Variants in CACNA1C observed in about 807,000 individuals in gnomAD.
CACNA1C encodes voltage-dependent L-type calcium channel subunit alpha-1C.
In CACNA1C, 30 loss-of-function variants were observed where a neutral mutation model predicts 229.0. The ratio of observed to expected loss-of-function variants is 0.13; its 90% CI spans 0.10 to 0.18. CACNA1C has a LOEUF of 0.18. CACNA1C is among the 10% of genes least tolerant of loss of function. CACNA1C has a pLI of 1.00. For synonymous variants in CACNA1C, 1,114 were observed against 1,132.5 expected (o/e 0.98, Z 0.33); for missense variants, 1,658 against 2,845.0 (o/e 0.58, Z 9.49).
At chr12:2,412,232 T>C (rs2098816140) in intron 3 of CACNA1C, among the ~76,000 whole-genome samples, 1 of 152,174 alleles carries the variant, frequency 6.6e-6, no homozygotes, top group Admixed American at 6.5e-5. Flanking sequence ...CCCCCCACAA[T>C]CCCTGCTGGC....
chr12:2,334,856 A>C (rs1016607252), intron 3 of CACNA1C, among the ~76,000 whole-genome samples: 2 of 152,190 alleles, frequency 1.3e-5, no homozygotes, highest in African/African-American at 4.8e-5. Flanking sequence ...AATTAGATAG[A>C]AATGTCATGG....
intron 1 of CACNA1C, among the ~76,000 whole-genome samples, chr12:2,012,758 G>A (rs970241109): frequency 1.3e-5 from 2 of 152,214 alleles, no homozygotes; most frequent in Admixed American, 6.5e-5. Flanking sequence ...AGAATTTGGA[G>A]AAAAGGAAGG....
intron 15 of CACNA1C, 93 bp downstream of exon 15, chr12:2,583,035 C>T: frequency 1.1e-6 from 1 of 892,542 alleles, no homozygotes; most frequent in South Asian, 1.5e-5. Context: ...TCCGGGCGGT[C>T]CTGCTCGGGC....
intron 1 of CACNA1C, among the ~76,000 whole-genome samples, chr12:1,972,348 T>C (rs1052342938): frequency 6.6e-6 from 1 of 152,258 alleles, no homozygotes; most frequent in African/African-American, 2.4e-5. Context: ...TCAAATATAA[T>C]GTTTCTTGAT....
chr12:2,617,174 A>ACGAGGC (rs2081079333), intron 29 of CACNA1C, among the ~76,000 whole-genome samples: 1 of 152,198 alleles, frequency 6.6e-6, no homozygotes. Flanking sequence ...GAATCCATCA[A>ACGAGGC]CGAGGCCCTG....
Position 2,410,139 on chromosome 12 carries a change from G to T in CACNA1C, c.478-38837G>T, listed in dbSNP as rs1380350596. 6.6e-6 allele frequency among the ~76,000 whole-genome samples: 1 copy of T among 152,170 alleles called. No individual in the cohort carries two copies. Among genetic ancestry groups the T allele is most frequent in the Non-Finnish European group, 1.5e-5 (1 of 68,036 alleles). On this transcript the variant is annotated intron_variant, in intron 3 of 46. Transcript: ENST00000399655. This position sits in a 1 kb window ranked among gnomAD's most constrained non-coding sequence, Gnocchi z 5.3. ...TTTTAGCTGTCAGCCTTGGATGGTGGGCTCATGCATTCTGTTCCCACTCCA... is the reference window on the plus strand; with the variant it reads ...TTTTAGCTGTCAGCCTTGGATGGTGTGCTCATGCATTCTGTTCCCACTCCA...
At chr12:2,262,496 T>C (rs2080659119) in intron 3 of CACNA1C, among the ~76,000 whole-genome samples, 1 of 152,182 alleles carries the variant, frequency 6.6e-6, no homozygotes, top group Admixed American at 6.5e-5. Context: ...GCCAAGACGG[T>C]GTCTTCAGCA....
intron 1 of CACNA1C, among the ~76,000 whole-genome samples, chr12:2,021,440 G>A (rs545814165): frequency 1.3e-5 from 2 of 152,156 alleles, no homozygotes; most frequent in African/African-American, 2.4e-5. Flanking sequence ...GCACTTTGGG[G>A]GGCTGAGGTG....
chr12:2,455,637 G>C (rs559487247), intron 4 of CACNA1C, among the ~76,000 whole-genome samples: 2 of 152,220 alleles, frequency 1.3e-5, no homozygotes, highest in African/African-American at 4.8e-5. Context: ...ATGCTCTCTT[G>C]AACCTATGTC....
At chr12:2,109,028 G>A (rs990207612) in intron 1 of CACNA1C, among the ~76,000 whole-genome samples, 1 of 152,234 alleles carries the variant, frequency 6.6e-6, no homozygotes, top group Non-Finnish European at 1.5e-5. Context: ...ACTTTAGGGA[G>A]AAATTTATTT....
rs879173309 is a variant in CACNA1C, at chr12:2,354,401, A to G, written c.478-94575A>G. Among the ~76,000 whole-genome samples, 8 of 152,150 alleles carry G rather than the reference A, an allele frequency of 5.3e-5. 1 individual carries two copies. Among genetic ancestry groups the G allele is most frequent in the Admixed American group, 5.2e-4 (8 of 15,282 alleles). The stretch of plus-strand genomic sequence containing the variant: ...GGTGATAAGCCAAATCTTTCTTTAG[A>G]GGAGCGAAAACACAGCTAGCCAGGG... On this transcript the variant is annotated intron_variant, in intron 3 of 46. Coordinates refer to ENST00000399655, the MANE Select transcript of CACNA1C (RefSeq NM_000719.7). The surrounding 1 kb of genome is among the most constrained non-coding windows in gnomAD (Gnocchi z 4.6).
intron 18 of CACNA1C, among the ~76,000 whole-genome samples, chr12:2,587,096 G>A (rs910375652): frequency 2.0e-5 from 3 of 152,148 alleles, no homozygotes; most frequent in African/African-American, 7.2e-5. Flanking sequence ...ATTGAAAGTA[G>A]TTTTGTTAAT....
chr12:2,033,788 C>T (rs907066790), intron 1 of CACNA1C, among the ~76,000 whole-genome samples: 1 of 152,180 alleles, frequency 6.6e-6, no homozygotes, highest in African/African-American at 2.4e-5. Context: ...ATGCAGCTGC[C>T]AATAAAGTTA....
chr12:2,407,720 G>A (rs1365986876), intron 3 of CACNA1C, among the ~76,000 whole-genome samples: 1 of 132,942 alleles, frequency 7.5e-6, no homozygotes. Context: ...TCATGACCCA[G>A]TGGGAAGGAA....
chr12:2,364,783 C>T (rs546250755), intron 3 of CACNA1C, among the ~76,000 whole-genome samples: 1 of 152,230 alleles, frequency 6.6e-6, no homozygotes, highest in African/African-American at 2.4e-5. Context: ...GACTGCCGTA[C>T]AGAACTCAGC....
intron 3 of CACNA1C, among the ~76,000 whole-genome samples, chr12:2,154,750 A>G (rs1010473402): frequency 6.6e-6 from 1 of 152,198 alleles, no homozygotes; most frequent in Non-Finnish European, 1.5e-5. Context: ...TCAGCTCCAA[A>G]GGCACAGAAT....
intron 3 of CACNA1C, among the ~76,000 whole-genome samples, chr12:2,145,145 T>A (rs1038828572): frequency 2.6e-5 from 4 of 151,378 alleles, no homozygotes; most frequent in Non-Finnish European, 5.9e-5. Flanking sequence ...CATTACCTAT[T>A]AGCAAGACTT....
At chr12:2,683,531 A>T (rs1471352198) in intron 43 of CACNA1C, among the ~76,000 whole-genome samples, 1 of 152,182 alleles carries the variant, frequency 6.6e-6, no homozygotes, top group African/African-American at 2.4e-5. Flanking sequence ...GAGAGGGCAT[A>T]TGTCATTTCA....
intron 9 of CACNA1C, among the ~76,000 whole-genome samples, chr12:2,535,292 G>C (rs140500036): frequency 6.6e-6 from 1 of 152,136 alleles, no homozygotes; most frequent in South Asian, 2.1e-4. Context: ...GGGAGGCTGA[G>C]GCAGGAGAAT....
Sources: gnomAD v4.1 joint callset for allele counts (sites outside exome capture counted in the v4.1 genomes callset) on GRCh38, gnomAD v4.1.1 for gene constraint, Gnocchi (gnomAD v3.1) non-coding constraint, MANE v1.5 for transcripts, NCBI Gene and HGNC (gene_info 2026-07-23, HGNC 2026-07-21) for gene names.